LSAMP: variants seen among roughly 807,000 people sequenced by gnomAD.
The protein encoded by LSAMP is limbic system associated membrane protein.
A neutral mutation model predicts 38.6 loss-of-function variants in LSAMP; 7 were observed. The ratio of observed to expected loss-of-function variants is 0.18; its 90% CI spans 0.10 to 0.34. LSAMP has a LOEUF of 0.34. Among genes scored for constraint, LSAMP ranks in the 10% least tolerant of loss-of-function variants. LSAMP has a pLI of 1.00. For missense variants in LSAMP, 313 were observed against 420.0 expected, an observed-to-expected ratio of 0.75 and a Z score of 2.23; for synonymous variants, 154 against 166.8, an observed-to-expected ratio of 0.92 and a Z score of 0.59.
At chr3:115,947,315 A>C (rs1938131041) in intron 3 of LSAMP, among the ~76,000 whole-genome samples, 1 of 152,224 alleles carries the variant, frequency 6.6e-6, no homozygotes, top group African/African-American at 2.4e-5. Context: ...CAAGAAAAAT[A>C]GTGAAAATTA....
At chr3:116,219,792 A>G (rs1389692766) in intron 1 of LSAMP, among the ~76,000 whole-genome samples, 1 of 152,208 alleles carries the variant, frequency 6.6e-6, no homozygotes, top group African/African-American at 2.4e-5. Flanking sequence ...TAATATTACA[A>G]ATAAGCTAGG....
chr3:115,942,469 T>TA (rs1937956175), intron 3 of LSAMP, among the ~76,000 whole-genome samples: 1 of 152,302 alleles, frequency 6.6e-6, no homozygotes, highest in African/African-American at 2.4e-5. Flanking sequence ...CTCACACTGT[T>TA]ACAGAAACAC....
rs529273381 is a variant in LSAMP at position 116,057,630 on chromosome 3, C to T, written c.388+28694G>A. Among the ~76,000 whole-genome samples the T allele has an allele frequency of 1.6e-4, 24 of 152,106 alleles. 2 individuals are homozygous for T. The South Asian group carries it at 5.0e-3, about 32-fold the overall frequency. On this transcript the variant is annotated intron_variant, in intron 2 of 6. Coordinates refer to ENST00000490035, the MANE Select transcript of LSAMP (RefSeq NM_002338.5). ...AGAGGAGAGAGGTTGGCTCTTTTTT[C>T]TTCTGAGATCTCATATATTATCTAG...
rs146804874 is a variant in LSAMP at position 116,032,269 on chromosome 3, T to C, written c.389-12629A>G. The stretch of plus-strand genomic sequence containing the variant: ...TAATATCTAAGGTAGCATAACTTTA[T>C]ACAGTTTGCAAAGCACTGGTATATG... On this transcript the variant is annotated intron_variant, in intron 2 of 6. Transcript: ENST00000490035. 3.5e-3 allele frequency among the ~76,000 whole-genome samples: 531 copies of C among 152,318 alleles called. 7 individuals carry two copies. Among genetic ancestry groups the C allele is most frequent in the African/African-American group, 0.012 (510 of 41,584 alleles).
chr3:116,439,992 A>T (rs1458148424), intron 1 of LSAMP, among the ~76,000 whole-genome samples: 1 of 152,220 alleles, frequency 6.6e-6, no homozygotes, highest in Non-Finnish European at 1.5e-5. Context: ...AAGTGCTGGG[A>T]TTACAGGCGT....
chr3:116,359,004 G>T (rs930131904), intron 1 of LSAMP, among the ~76,000 whole-genome samples: 1 of 152,054 alleles, frequency 6.6e-6, no homozygotes, highest in Non-Finnish European at 1.5e-5. Context: ...AAAATCTGTG[G>T]GTTATTTTTG....
chr3:116,406,556 A>C (rs1363382347), intron 1 of LSAMP, among the ~76,000 whole-genome samples: 1 of 152,058 alleles, frequency 6.6e-6, no homozygotes, highest in African/African-American at 2.4e-5. Flanking sequence ...ATTTAAATCA[A>C]ATACTTCCAC....
At chr3:116,052,276 A>G (rs994630403) in intron 2 of LSAMP, among the ~76,000 whole-genome samples, 2 of 152,174 alleles carry the variant, frequency 1.3e-5, no homozygotes, top group Non-Finnish European at 2.9e-5. Flanking sequence ...GAAGAGGTGG[A>G]ACAGCAGCAA....
Position 116,133,919 on chromosome 3 carries a change from T to A in LSAMP, c.156-47363A>T, listed in dbSNP as rs556379979. Among the ~76,000 whole-genome samples the A allele has an allele frequency of 2.7e-4, 41 of 152,306 alleles. 1 individual carries two copies. The South Asian group carries it at 7.5e-3, about 28-fold the overall frequency. ...TCTGTTATGAATTTGGATATTGACT[T>A]ATGAGGCTACAAGGTGGCATGACCC... On this transcript the variant is annotated intron_variant, in intron 1 of 6. Coordinates refer to ENST00000490035, the MANE Select transcript of LSAMP (RefSeq NM_002338.5).
chr3:115,947,131 A>T (rs1938125838), intron 3 of LSAMP, among the ~76,000 whole-genome samples: 2 of 152,164 alleles, frequency 1.3e-5, no homozygotes, highest in Admixed American at 1.3e-4. Context: ...AACAGCTAGG[A>T]ATAGAAAGGA....
intron 1 of LSAMP, among the ~76,000 whole-genome samples, chr3:116,192,557 T>C (rs1710777473): frequency 6.6e-6 from 1 of 152,118 alleles, no homozygotes; most frequent in Non-Finnish European, 1.5e-5. Flanking sequence ...AATACACTGG[T>C]GGGAATGAGA....
At chr3:116,077,498 G>GA (rs1164375924) in intron 2 of LSAMP, among the ~76,000 whole-genome samples, 1 of 151,456 alleles carries the variant, frequency 6.6e-6, no homozygotes, top group African/African-American at 2.4e-5. Flanking sequence ...GATTATGCTT[G>GA]AAAAAACCTG....
At chr3:115,904,707 A>G (rs1936966267) in intron 3 of LSAMP, among the ~76,000 whole-genome samples, 1 of 152,124 alleles carries the variant, frequency 6.6e-6, no homozygotes. Flanking sequence ...CATTATCACC[A>G]GAACAGAACA....
intron 1 of LSAMP, among the ~76,000 whole-genome samples, chr3:116,171,539 T>A (rs930741567): frequency 3.3e-5 from 5 of 152,146 alleles, no homozygotes; most frequent in Admixed American, 6.6e-5. Context: ...CTGATTTTTT[T>A]AAATCTGATA....
chr3:115,971,533 T>G (rs1185703408), intron 3 of LSAMP, among the ~76,000 whole-genome samples: 1 of 152,194 alleles, frequency 6.6e-6, no homozygotes, highest in Non-Finnish European at 1.5e-5. Context: ...TTTGAAATCA[T>G]TCTTGGCTTG....
At chr3:115,814,324 A>G (rs1933938330) in intron 6 of LSAMP, 1 of 152,236 alleles carries the variant, frequency 6.6e-6, no homozygotes, top group African/African-American at 2.4e-5. Context: ...TGAATGCTGG[A>G]TTGCACTTTC....
chr3:115,858,553 A>G (rs1227016482), intron 3 of LSAMP, among the ~76,000 whole-genome samples: 2 of 152,192 alleles, frequency 1.3e-5, no homozygotes, highest in South Asian at 2.1e-4. Context: ...CGGTAGATCA[A>G]TCTTTCACAG....
At chr3:116,311,949 A>C (rs560141855) in intron 1 of LSAMP, among the ~76,000 whole-genome samples, 1 of 152,330 alleles carries the variant, frequency 6.6e-6, no homozygotes, top group East Asian at 1.9e-4. Flanking sequence ...GAGCAAGATG[A>C]ATGCCTATAT....
chr3:116,113,400 C>CTATATATATATATATA (rs5851991), intron 1 of LSAMP, among the ~76,000 whole-genome samples: 10 of 87,108 alleles, frequency 1.1e-4, no homozygotes, highest in African/African-American at 4.0e-4. Context: ...TATGTTTGCC[C>CTATATATATATATATA]TATATATATA....
Sources: gnomAD v4.1 joint callset for allele counts (sites outside exome capture counted in the v4.1 genomes callset) on GRCh38, gnomAD v4.1.1 for gene constraint, MANE v1.5 for transcripts, NCBI Gene and HGNC (gene_info 2026-07-23, HGNC 2026-07-21) for gene names.